PRR18: variants seen among roughly 807,000 people sequenced by gnomAD.
PRR18 encodes the protein proline-rich protein 18.
For synonymous variants in PRR18, 228 were observed against 220.2 expected, an observed-to-expected ratio of 1.04 and a Z score of -0.32; for missense variants, 517 against 437.4, an observed-to-expected ratio of 1.18 and a Z score of -1.62.
Position 166,307,747 on chromosome 6 carries a change from A to T in PRR18, c.396T>A (p.Ala132=). 6.6e-7 allele frequency: 1 copy of T among 1,513,724 alleles called. No homozygotes were observed. The highest frequency in any genetic ancestry group is 1.2e-5 in the South Asian group (1 of 80,540). 93.8% of individuals were successfully genotyped at this position (1,513,724 alleles called of 1,614,324 possible). The change falls in exon 1 of 1, where the codon GCT becomes GCA. Residue 132 remains alanine (A), a synonymous_variant. Transcript: ENST00000322583. The stretch of plus-strand genomic sequence containing the variant: ...GGGTGAGATTCAGGCAGAAGCGCGC[A>T]GCGGAGTCTGGACAAGGCCCCGCCC... The part of the protein sequence containing the change: ...SSGAGPCPDS[A]ARFCLNLTPE...
chr6:166,306,216 G>T lies in PRR18; in HGVS notation c.*1039C>A, dbSNP rs1778094823. ...AGTGTGTGTGTGTTATTAGAGCAAA[G>T]ACCTCCACAAGAAAAATACAAAATC... On this transcript the variant is annotated 3_prime_UTR_variant, in exon 1 of 1. Coordinates refer to ENST00000322583, the MANE Select transcript of PRR18 (RefSeq NM_175922.4). 6.6e-6 allele frequency: 1 copy of T among 152,044 alleles called. No individual in the cohort carries two copies. The highest frequency in any genetic ancestry group is 1.5e-5 in the Non-Finnish European group (1 of 68,000). The allele number at this position is 152,044 out of a possible 1,614,324, so 9.4% of individuals were successfully genotyped here.
chr6:166,307,389 C>A lies in PRR18; in HGVS notation c.754G>T (p.Glu252Ter). Residue 252 changes from glutamate to a stop codon, truncating the protein, a stop_gained, in exon 1 of 1, where the codon GAG (glutamate) becomes TAG (stop). Coordinates refer to ENST00000322583, the MANE Select transcript of PRR18 (RefSeq NM_175922.4). LOFTEE classifies it low-confidence loss of function (END_TRUNC). ...ERHRYDDVEY[E>*]EEPEAVDEGL... ...TCGTCCACCGCCTCTGGCTCCTCCT[C>A]GTACTCCACGTCGTCGTACCTGTGC... 6.3e-7 allele frequency: 1 copy of A among 1,577,948 alleles called. No homozygotes were observed. The highest frequency in any genetic ancestry group is 2.4e-5 in the East Asian group (1 of 41,746).
chr6:166,306,398 T>C lies in PRR18; in HGVS notation c.*857A>G, dbSNP rs1778096292. The C allele has an allele frequency of 1.3e-5, 2 of 152,382 alleles. No homozygotes were observed. The highest frequency in any genetic ancestry group is 2.9e-5 in the Non-Finnish European group (2 of 68,030). The allele number at this position is 152,382 out of a possible 1,614,324, so 9.4% of individuals were successfully genotyped here. On this transcript the variant is annotated 3_prime_UTR_variant, in exon 1 of 1. Coordinates refer to ENST00000322583, the MANE Select transcript of PRR18 (RefSeq NM_175922.4). ...TTTTATAACCAGCCTTATCTGATTA[T>C]AACATTTTATTTCCTTCTCATCCTT...
Position 166,307,341 on chromosome 6 carries a change from C to A in PRR18, c.802G>T (p.Glu268Ter), listed in dbSNP as rs1447239133. Reference protein sequence around the residue: ...VDEGLVRKCTEWLRGVESAAA... With the variant: ...VDEGLVRKCT ...GCGGACTCCACGCCGCGCAGCCACT[C>A]CGTGCACTTGCGTACCAGGCCCTCG... Residue 268 changes from glutamate (E) to a stop codon, truncating the protein, a stop_gained, in exon 1 of 1, where the codon GAG becomes TAG. Transcript: ENST00000322583. LOFTEE classifies it low-confidence loss of function (END_TRUNC). 1 of 1,574,374 alleles carries A rather than the reference C, an allele frequency of 6.4e-7. No homozygotes were observed. Among genetic ancestry groups the A allele is most frequent in the East Asian group, 2.4e-5 (1 of 42,084 alleles).
Position 166,308,164 on chromosome 6 carries a change from CCTCAGCCCCTGGAAAGAGAGGCGGGCG to C in PRR18, c.-49_-23del. Reference sequence around the variant, plus strand: ...GCATAGTGCAGCCGAGCCGCCGGATCCTCAGCCCCTGGAAAGAGAGGCGGGCGCTCAGCCACTGTGCGCGGAGCGGGT... The same window carrying C: ...GCATAGTGCAGCCGAGCCGCCGGATCCTCAGCCACTGTGCGCGGAGCGGGT... On this transcript the variant is annotated 5_prime_UTR_variant, in exon 1 of 1. Coordinates refer to ENST00000322583, the MANE Select transcript of PRR18 (RefSeq NM_175922.4). The C allele has an allele frequency of 1.2e-5, 15 of 1,229,204 alleles. No homozygotes were observed. Among genetic ancestry groups the C allele is most frequent in the Non-Finnish European group, 1.5e-5 (15 of 984,752 alleles). The allele number at this position is 1,229,204 out of a possible 1,614,324, so 76.1% of individuals were successfully genotyped here.
chr6:166,307,287 G>A lies in PRR18; in HGVS notation c.856C>T (p.Leu286=). ...AAAARGRAGA[L]DSRRHLSTL is the part of the protein sequence containing the mutation. Reference sequence around the variant, plus strand: ...GTGCTCAGGTGCCGCCGTGAGTCCAGGGCCCCCGCCCGGCCCCGCGCGGCA... The same window carrying A: ...GTGCTCAGGTGCCGCCGTGAGTCCAAGGCCCCCGCCCGGCCCCGCGCGGCA... The change falls in exon 1 of 1, where the codon CTG becomes TTG. Residue 286 remains leucine, a synonymous_variant. Transcript: ENST00000322583. 10 of 1,522,672 alleles carry A rather than the reference G, an allele frequency of 6.6e-6. No homozygotes were observed. The highest frequency in any genetic ancestry group is 8.8e-6 in the Non-Finnish European group (10 of 1,142,638). 94.3% of individuals were successfully genotyped at this position (1,522,672 alleles called of 1,614,324 possible). A position where few individuals can be genotyped will look rare whatever the true frequency, so the allele number is the denominator to read the frequency against.
At position 166,307,292 on chromosome 6, in the gene PRR18, C is replaced by T; in HGVS notation, c.851G>A (p.Gly284Glu). ...CAGGTGCCGCCGTGAGTCCAGGGCC[C>T]CCGCCCGGCCCCGCGCGGCAGCCGC... ...ESAAAARGRA[G>E]ALDSRRHLST... is the part of the protein sequence containing the mutation. The change falls in exon 1 of 1, where the codon GGG becomes GAG. Residue 284 changes from glycine (G) to glutamate (E), a missense_variant. By Grantham distance (98) the Gly-to-Glu change is moderately conservative. Transcript: ENST00000322583. The T allele has an allele frequency of 6.6e-7, 1 of 1,526,344 alleles. No homozygotes were observed. The highest frequency in any genetic ancestry group is 2.0e-5 in the Admixed American group (1 of 50,146). The allele number at this position is 1,526,344 out of a possible 1,614,324, so 94.6% of individuals were successfully genotyped here. A position where few individuals can be genotyped will look rare whatever the true frequency, so the allele number is the denominator to read the frequency against.
In PRR18 at chr6:166,307,413, G is replaced by A. The variant is rs566981011; in HGVS notation, c.730C>T (p.His244Tyr). ...TCGTACTCCACGTCGTCGTACCTGTGCCGCTCGTTGAGCAGCGACACCTTG... is the reference window on the plus strand; with the variant it reads ...TCGTACTCCACGTCGTCGTACCTGTACCGCTCGTTGAGCAGCGACACCTTG... The part of the protein sequence containing the change: ...MLKVSLLNER[H>Y]RYDDVEYEEE... The change falls in exon 1 of 1, where the codon CAC (histidine) becomes TAC (tyrosine). Residue 244 changes from histidine to tyrosine, a missense_variant. By Grantham distance (83) the His-to-Tyr change is moderately conservative (BLOSUM62 2). Coordinates refer to ENST00000322583, the MANE Select transcript of PRR18 (RefSeq NM_175922.4). 80 of 1,561,422 alleles carry A rather than the reference G, an allele frequency of 5.1e-5. 1 individual carries two copies. In the South Asian group the frequency reaches 8.4e-4, roughly 16 times the overall value.
chr6:166,308,127 T>G lies in PRR18; in HGVS notation c.16A>C (p.Met6Leu), dbSNP rs1398804296. 1 of 1,229,342 alleles carries G rather than the reference T, an allele frequency of 8.1e-7. No individual in the cohort carries two copies. The highest frequency in any genetic ancestry group is 1.6e-5 in the African/African-American group (1 of 63,794). The allele number at this position is 1,229,342 out of a possible 1,614,324, so 76.2% of individuals were successfully genotyped here. A position where few individuals can be genotyped will look rare whatever the true frequency, so the allele number is the denominator to read the frequency against. The change falls in exon 1 of 1, where the codon ATG becomes CTG. Residue 6 changes from methionine to leucine, a missense_variant. By Grantham distance (15) the Met-to-Leu change is conservative (BLOSUM62 2). Coordinates refer to ENST00000322583, the MANE Select transcript of PRR18 (RefSeq NM_175922.4). ...GGGGCGGGGGCGGGCGGCGGCGGCA[T>G]GGGCGGGAAGGGCATAGTGCAGCCG... MPFPPMPPPPAPAPGA... is the reference protein window; with the variant it reads MPFPPLPPPPAPAPGA...
Position 166,307,745 on chromosome 6 carries a change from G to T in PRR18, c.398C>A (p.Ala133Glu). 2 of 1,514,146 alleles carry T rather than the reference G, an allele frequency of 1.3e-6. No homozygotes were observed. Among genetic ancestry groups the T allele is most frequent in the South Asian group, 1.2e-5 (1 of 80,582 alleles). The allele number at this position is 1,514,146 out of a possible 1,614,324, so 93.8% of individuals were successfully genotyped here. The change falls in exon 1 of 1, where the codon GCG becomes GAG. Residue 133 changes from alanine to glutamate, a missense_variant. By Grantham distance (107) the Ala-to-Glu change is moderately radical. Coordinates refer to ENST00000322583, the MANE Select transcript of PRR18 (RefSeq NM_175922.4). ...SGAGPCPDSA[A>E]RFCLNLTPEA... ...GGGGGTGAGATTCAGGCAGAAGCGCGCAGCGGAGTCTGGACAAGGCCCCGC... is the reference window on the plus strand; with the variant it reads ...GGGGGTGAGATTCAGGCAGAAGCGCTCAGCGGAGTCTGGACAAGGCCCCGC...
In PRR18 at chr6:166,307,201, G is replaced by T; in HGVS notation, c.*54C>A. On this transcript the variant is annotated 3_prime_UTR_variant, in exon 1 of 1. Transcript: ENST00000322583. ...CGAGGGCCCCTAGGCGGAGTGGCGC[G>T]TGCAGGAAGTGAGGTGGGATCAGGC... 7.4e-7 allele frequency: 1 copy of T among 1,350,384 alleles called. No homozygotes were observed. The highest frequency in any genetic ancestry group is 9.5e-7 in the Non-Finnish European group (1 of 1,051,320). 83.7% of individuals were successfully genotyped at this position (1,350,384 alleles called of 1,614,324 possible).
In PRR18 at chr6:166,307,683, T is replaced by G. The variant is rs749609110; in HGVS notation, c.460A>C (p.Lys154Gln). The change falls in exon 1 of 1, where the codon AAG becomes CAG. Residue 154 changes from lysine (K) to glutamine (Q), a missense_variant. By Grantham distance (53) the Lys-to-Gln change is moderately conservative. Coordinates refer to ENST00000322583, the MANE Select transcript of PRR18 (RefSeq NM_175922.4). Reference sequence around the variant, plus strand: ...CTGCGGGGCCGCGCCAGCAGCTGCTTCTCCAGATGACGCTTCTGGATGACC... The same window carrying G: ...CTGCGGGGCCGCGCCAGCAGCTGCTGCTCCAGATGACGCTTCTGGATGACC... ...VLVIQKRHLE[K>Q]QLLARPRRPF... 1.9e-5 allele frequency: 28 copies of G among 1,506,542 alleles called. No homozygotes were observed. The African/African-American group carries it at 2.7e-4, about 15-fold the overall frequency. The allele number at this position is 1,506,542 out of a possible 1,614,324, so 93.3% of individuals were successfully genotyped here. A position where few individuals can be genotyped will look rare whatever the true frequency, so the allele number is the denominator to read the frequency against.
In PRR18 at chr6:166,307,885, G is replaced by A; in HGVS notation, c.258C>T (p.Ala86=). 8.1e-7 allele frequency: 1 copy of A among 1,238,248 alleles called. No individual in the cohort carries two copies. Among genetic ancestry groups the A allele is most frequent in the Non-Finnish European group, 1.0e-6 (1 of 991,626 alleles). The allele number at this position is 1,238,248 out of a possible 1,614,324, so 76.7% of individuals were successfully genotyped here. A position where few individuals can be genotyped will look rare whatever the true frequency, so the allele number is the denominator to read the frequency against. Residue 86 remains alanine, a synonymous_variant, in exon 1 of 1, where the codon GCC becomes GCT. Coordinates refer to ENST00000322583, the MANE Select transcript of PRR18 (RefSeq NM_175922.4). ...GCCGGGGCGGGGCGCACGTGGCTGG[G>A]GCCCGCGCGCGGCTGGGCAAGGCCT... ...SPQALPSRAR[A]PATCAPPRPA...
In PRR18 at chr6:166,306,982, C is replaced by T. The variant is rs1000180262; in HGVS notation, c.*273G>A. The T allele has an allele frequency of 3.3e-5, 13 of 394,316 alleles. No individual in the cohort carries two copies. The highest frequency in any genetic ancestry group is 2.3e-4 in the Admixed American group (5 of 21,896). 24.4% of individuals were successfully genotyped at this position (394,316 alleles called of 1,614,324 possible). A position where few individuals can be genotyped will look rare whatever the true frequency, so the allele number is the denominator to read the frequency against. ...ATGCTCGGCGATGCCAAGAGGAGGC[C>T]AGAGTGGGGGCAGAGGCAGGCATCT... is the stretch of plus-strand genomic sequence containing the variant. On this transcript the variant is annotated 3_prime_UTR_variant, in exon 1 of 1. Coordinates refer to ENST00000322583, the MANE Select transcript of PRR18 (RefSeq NM_175922.4).
rs1213424359 is a variant in PRR18 at position 166,307,263 on chromosome 6, T to C, written c.880A>G (p.Thr294Ala). The C allele has an allele frequency of 6.7e-7, 1 of 1,497,932 alleles. No homozygotes were observed. Among genetic ancestry groups the C allele is most frequent in the Non-Finnish European group, 8.8e-7 (1 of 1,131,894 alleles). 92.8% of individuals were successfully genotyped at this position (1,497,932 alleles called of 1,614,324 possible). Residue 294 changes from threonine (T) to alanine (A), a missense_variant, in exon 1 of 1, where the codon ACG becomes GCG. Coordinates refer to ENST00000322583, the MANE Select transcript of PRR18 (RefSeq NM_175922.4). ...GALDSRRHLS[T>A]L is the part of the protein sequence containing the mutation. The stretch of plus-strand genomic sequence containing the variant: ...CCGCAGGCCCGCTGGGCTCACAGCG[T>C]GCTCAGGTGCCGCCGTGAGTCCAGG...
Position 166,308,353 on chromosome 6 carries a change from G to T in PRR18, c.-211C>A. ...CTCCCCTCCTCCTGGGGGTGCTCCC[G>T]GGACTGGACCCTGCAGGAACCGCCT... On this transcript the variant is annotated 5_prime_UTR_variant, in exon 1 of 1. Coordinates refer to ENST00000322583, the MANE Select transcript of PRR18 (RefSeq NM_175922.4). 2.4e-6 allele frequency: 1 copy of T among 421,038 alleles called. No homozygotes were observed. The highest frequency in any genetic ancestry group is 3.9e-6 in the Non-Finnish European group (1 of 253,770). The allele number at this position is 421,038 out of a possible 1,614,324, so 26.1% of individuals were successfully genotyped here.
Position 166,307,667 on chromosome 6 carries a change from C to A in PRR18, c.476G>T (p.Arg159Leu), listed in dbSNP as rs1242702704. 1.3e-6 allele frequency: 2 copies of A among 1,486,702 alleles called. No homozygotes were observed. Among genetic ancestry groups the A allele is most frequent in the South Asian group, 1.3e-5 (1 of 76,702 alleles). 92.1% of individuals were successfully genotyped at this position (1,486,702 alleles called of 1,614,324 possible). A position where few individuals can be genotyped will look rare whatever the true frequency, so the allele number is the denominator to read the frequency against. The change falls in exon 1 of 1, where the codon CGG becomes CTG. Residue 159 changes from arginine (R) to leucine (L), a missense_variant. Physicochemically the swap from Arg to Leu is moderately radical, Grantham distance 102. Transcript: ENST00000322583. ...GGGTGAGGGGAAGGGCCTGCGGGGC[C>A]GCGCCAGCAGCTGCTTCTCCAGATG... ...KRHLEKQLLA[R>L]PRRPFPSPSA...
chr6:166,307,858 C>G lies in PRR18; in HGVS notation c.285G>C (p.Pro95=), dbSNP rs758898751. Residue 95 remains proline (P), a synonymous_variant, in exon 1 of 1, where the codon CCG becomes CCC. Transcript: ENST00000322583. Reference sequence around the variant, plus strand: ...TCGCTGGGCTGTGGCCGGAGCCTGCCGGCCGGGGCGGGGCGCACGTGGCTG... The same window carrying G: ...TCGCTGGGCTGTGGCCGGAGCCTGCGGGCCGGGGCGGGGCGCACGTGGCTG... ...RAPATCAPPR[P]AGSGHSPART... The G allele has an allele frequency of 4.0e-6, 5 of 1,258,588 alleles. No individual in the cohort carries two copies. Among genetic ancestry groups the G allele is most frequent in the Non-Finnish European group, 5.0e-6 (5 of 1,002,322 alleles). The allele number at this position is 1,258,588 out of a possible 1,614,324, so 78.0% of individuals were successfully genotyped here.
chr6:166,307,451 A>C lies in PRR18; in HGVS notation c.692T>G (p.Leu231Arg). 6.5e-7 allele frequency: 1 copy of C among 1,540,650 alleles called. No individual in the cohort carries two copies. The highest frequency in any genetic ancestry group is 8.7e-7 in the Non-Finnish European group (1 of 1,152,820). Reference sequence around the variant, plus strand: ...CAGCGACACCTTGAGCATCGGCCGCAGGGCCCCGGGCCGCGGGCTGAGCTG... The same window carrying C: ...CAGCGACACCTTGAGCATCGGCCGCCGGGCCCCGGGCCGCGGGCTGAGCTG... ...VPQLSPRPGA[L>R]RPMLKVSLLN... Residue 231 changes from leucine to arginine, a missense_variant, in exon 1 of 1, where the codon CTG (leucine) becomes CGG (arginine). Physicochemically the swap from Leu to Arg is moderately radical, Grantham distance 102 (BLOSUM62 -2). Coordinates refer to ENST00000322583, the MANE Select transcript of PRR18 (RefSeq NM_175922.4).
Sources: gnomAD v4.1 joint callset for allele counts on GRCh38, gnomAD v4.1.1 for gene constraint, MANE v1.5 for transcripts, NCBI Gene and HGNC (gene_info 2026-07-23, HGNC 2026-07-21) for gene names.